The following PCLO variants were observed in gnomAD, a reference collection of about 807,000 sequenced individuals.
PCLO encodes the protein piccolo presynaptic cytomatrix protein, also known as protein piccolo.
PCLO carries 82 observed loss-of-function variants against 427.5 expected under a neutral mutation model. The ratio of observed to expected loss-of-function variants is 0.19; its 90% CI spans 0.16 to 0.23. The LOEUF (loss-of-function observed/expected upper bound fraction) is 0.23. Ranked by LOEUF, PCLO falls within the 10% of genes least tolerant of loss-of-function variation. PCLO has a pLI of 1.00. For missense variants in PCLO, 6,239 were observed against 6,115.9 expected, an observed-to-expected ratio of 1.02 and a Z score of -0.67; for synonymous variants, 2,357 against 2,155.4, an observed-to-expected ratio of 1.09 and a Z score of -2.59.
At chr7:83,130,446 G>A (rs537929627) in intron 3 of PCLO, among the ~76,000 whole-genome samples, 1 of 152,206 alleles carries the variant, frequency 6.6e-6, no homozygotes, top group Non-Finnish European at 1.5e-5. Flanking sequence ...CAGAGTGCTG[G>A]CATTACAGGC....
chr7:83,125,185 G>C (rs1791401996), intron 3 of PCLO, among the ~76,000 whole-genome samples: 1 of 152,094 alleles, frequency 6.6e-6, no homozygotes, highest in African/African-American at 2.4e-5. Flanking sequence ...CCCCGTCTAG[G>C]AAGTGAGGAG....
chr7:82,806,105 TG>T (rs1358742140), intron 20 of PCLO, among the ~76,000 whole-genome samples: 3 of 152,188 alleles, frequency 2.0e-5, no homozygotes, highest in African/African-American at 7.2e-5. Flanking sequence ...TATGTAACTA[TG>T]CTACTATTAT....
intron 7 of PCLO, among the ~76,000 whole-genome samples, chr7:82,909,392 A>G (rs770421804): frequency 1.3e-5 from 2 of 151,928 alleles, no homozygotes; most frequent in Non-Finnish European, 2.9e-5. Flanking sequence ...ACATCCACAC[A>G]TTCTCTCCCA....
At chr7:83,103,334 C>T (rs866779820) in intron 3 of PCLO, among the ~76,000 whole-genome samples, 1 of 151,800 alleles carries the variant, frequency 6.6e-6, no homozygotes, top group Non-Finnish European at 1.5e-5. Context: ...CCATGAGCTT[C>T]GTAGGGCTAG....
chr7:82,817,747 T>C (rs1791706738), intron 20 of PCLO, among the ~76,000 whole-genome samples: 3 of 152,164 alleles, frequency 2.0e-5, no homozygotes, highest in Admixed American at 2.0e-4. Flanking sequence ...CGAAATCATA[T>C]TTCCTTGCAT....
chr7:83,049,469 T>C (rs1384626016), intron 3 of PCLO, among the ~76,000 whole-genome samples: 1 of 151,870 alleles, frequency 6.6e-6, no homozygotes, highest in African/African-American at 2.4e-5. Context: ...TAAAGAACCA[T>C]CTTAAGTTAA....
At chr7:83,000,577 A>T (rs1428721350) in intron 3 of PCLO, among the ~76,000 whole-genome samples, 9 of 151,842 alleles carry the variant, frequency 5.9e-5, no homozygotes, top group Non-Finnish European at 1.3e-4. Flanking sequence ...CAGGCATTAG[A>T]TTTTCATAAG....
chr7:82,961,560 T>C (rs751817751), intron 4 of PCLO, among the ~76,000 whole-genome samples: 1 of 152,134 alleles, frequency 6.6e-6, no homozygotes, highest in Non-Finnish European at 1.5e-5. Flanking sequence ...AGTGCTTCAG[T>C]GGAATACAAT....
intron 22 of PCLO, among the ~76,000 whole-genome samples, chr7:82,773,092 G>A (rs1459617303): frequency 6.6e-6 from 1 of 152,072 alleles, no homozygotes; most frequent in Non-Finnish European, 1.5e-5. Context: ...CGAAGGCCTT[G>A]GCTACAACTC....
At chr7:83,001,501 T>TAGAAACAC (rs1031573165) in intron 3 of PCLO, among the ~76,000 whole-genome samples, 1 of 99,942 alleles carries the variant, frequency 1.0e-5, no homozygotes, top group Admixed American at 1.1e-4. Flanking sequence ...CTAACACACA[T>TAGAAACAC]ACAAACACAC....
intron 3 of PCLO, among the ~76,000 whole-genome samples, chr7:83,109,060 A>G (rs2116515993): frequency 6.6e-6 from 1 of 152,118 alleles, no homozygotes; most frequent in African/African-American, 2.4e-5. Flanking sequence ...GTCTATCCCC[A>G]TTTTCTCTTT....
At chr7:82,762,927 C>T (rs1414790413) in intron 22 of PCLO, among the ~76,000 whole-genome samples, 3 of 152,002 alleles carry the variant, frequency 2.0e-5, no homozygotes, top group Non-Finnish European at 1.5e-5. Flanking sequence ...CAGACATGAG[C>T]CATACTGTAC....
intron 3 of PCLO, among the ~76,000 whole-genome samples, chr7:82,991,103 T>C (rs1244884587): frequency 2.0e-5 from 3 of 152,228 alleles, no homozygotes; most frequent in African/African-American, 4.8e-5. Context: ...ACAATAATGT[T>C]CTAAGAATTC....
chr7:83,038,420 T>G (rs1788886644), intron 3 of PCLO, among the ~76,000 whole-genome samples: 1 of 151,778 alleles, frequency 6.6e-6, no homozygotes, highest in Non-Finnish European at 1.5e-5. Context: ...ACCACTAATC[T>G]GCTTTCTATC....
chr7:82,915,727 G>T lies in PCLO; in HGVS notation c.12259C>A (p.Arg4087=), dbSNP rs748708109. ...AGGAAATCTGTCACTTCTTGAGACC[G>T]GCGTGTCTCAGTGGTTCGAAGGAGA... The part of the protein sequence containing the change: ...DRLLRTTETR[R]SQEVTDFLAP... Residue 4087 remains arginine (R), a synonymous_variant, in exon 7 of 25, where the codon CGG becomes AGG. Transcript: ENST00000333891. 1 of 1,611,942 alleles carries T rather than the reference G, an allele frequency of 6.2e-7. No individual in the cohort carries two copies. The highest frequency in any genetic ancestry group is 1.1e-5 in the South Asian group (1 of 90,944).
At chr7:83,133,331 C>A (rs530527583) in intron 3 of PCLO, among the ~76,000 whole-genome samples, 3 of 151,948 alleles carry the variant, frequency 2.0e-5, no homozygotes, top group African/African-American at 7.2e-5. Context: ...AACCTTGGAA[C>A]AATTATTCAG....
Position 82,954,965 on chromosome 7 carries a change from T to C in PCLO, c.5988A>G (p.Ser1996=), listed in dbSNP as rs1283769008. 6.2e-7 allele frequency: 1 copy of C among 1,613,860 alleles called. No homozygotes were observed. The highest frequency in any genetic ancestry group is 1.7e-5 in the Admixed American group (1 of 60,012). The change falls in exon 5 of 25, where the codon TCA becomes TCG. Residue 1996 remains serine, a synonymous_variant. Transcript: ENST00000333891. ...GCATAGGATCTTCATAAATCTGTTC[T>C]GAAAGTCTTATCTTTTGCTCTCTTC... ...QKGREQKIRL[S]EQIYEDPMQK...
intron 21 of PCLO, among the ~76,000 whole-genome samples, chr7:82,804,679 A>C (rs1460653235): frequency 2.0e-5 from 3 of 152,158 alleles, no homozygotes; most frequent in Admixed American, 2.0e-4. Flanking sequence ...CAAAAGCAGC[A>C]TCAGGCAACA....
intron 3 of PCLO, among the ~76,000 whole-genome samples, chr7:82,994,625 A>G (rs1047893761): frequency 2.0e-5 from 3 of 151,216 alleles, no homozygotes; most frequent in Non-Finnish European, 4.4e-5. Context: ...AGGTATATAT[A>G]TATATTTATG....
Sources: allele counts gnomAD v4.1 joint callset (sites outside exome capture counted in the v4.1 genomes callset), GRCh38; gene constraint gnomAD v4.1.1; transcripts MANE v1.5; gene names NCBI Gene and HGNC (gene_info 2026-07-23, HGNC 2026-07-21).